Variants in AGBL1 observed in about 807,000 individuals in gnomAD.
The protein encoded by AGBL1 is cytosolic carboxypeptidase 4.
Under a neutral mutation model 118.9 loss-of-function variants are expected in AGBL1, and 130 were observed. The observed-to-expected ratio is 1.09, with a 90% CI of 0.95 to 1.26. The LOEUF (loss-of-function observed/expected upper bound fraction) is 1.26. AGBL1 is among the 50% of genes most tolerant of loss of function. AGBL1 has a pLI of 0.00. For synonymous variants in AGBL1, 555 were observed against 478.9 expected, an observed-to-expected ratio of 1.16 and a Z score of -2.08; for missense variants, 1,584 against 1,298.1, an observed-to-expected ratio of 1.22 and a Z score of -3.38.
chr15:86,287,270 T>G (rs2079469556), intron 16 of AGBL1, among the ~76,000 whole-genome samples: 1 of 152,186 alleles, frequency 6.6e-6, no homozygotes, highest in Non-Finnish European at 1.5e-5. Context: ...ATCTGATGTA[T>G]GATTTGCAAA....
At chr15:87,021,616 CAG>C (rs1436349578) in intron 24 of AGBL1, among the ~76,000 whole-genome samples, 27 of 152,194 alleles carry the variant, frequency 1.8e-4, no homozygotes, top group African/African-American at 6.5e-4. Context: ...GCCTAATATC[CAG>C]AGTCTATAAG....
chr15:86,671,780 T>G (rs762454394), intron 21 of AGBL1, among the ~76,000 whole-genome samples: 74 of 152,258 alleles, frequency 4.9e-4, no homozygotes, highest in Non-Finnish European at 4.3e-4. Context: ...ATCTGAGAGA[T>G]AAAAATCCAT....
At chr15:86,331,326 T>G (rs2080265966) in intron 17 of AGBL1, among the ~76,000 whole-genome samples, 1 of 152,020 alleles carries the variant, frequency 6.6e-6, no homozygotes, top group South Asian at 2.1e-4. Flanking sequence ...CTCTTCTCTC[T>G]TCTTCTCTCC....
intron 21 of AGBL1, among the ~76,000 whole-genome samples, chr15:86,627,635 G>A (rs1001262507): frequency 2.0e-5 from 3 of 152,112 alleles, no homozygotes; most frequent in African/African-American, 4.8e-5. Context: ...GAGAAAAGAA[G>A]TATACAAATG....
chr15:86,570,640 C>G (rs1028578687), intron 21 of AGBL1, among the ~76,000 whole-genome samples: 1 of 152,280 alleles, frequency 6.6e-6, no homozygotes, highest in South Asian at 2.1e-4. Flanking sequence ...AAATCCAGCA[C>G]CATGTTGGAT....
At chr15:86,270,124 G>T in intron 14 of AGBL1, 57 bp downstream of exon 14, 6 of 1,552,706 alleles carry the variant, frequency 3.9e-6, no homozygotes, top group Non-Finnish European at 3.5e-6. Flanking sequence ...GACATTTCTT[G>T]ACTGTTTGGA....
intron 18 of AGBL1, among the ~76,000 whole-genome samples, chr15:86,443,370 A>T (rs1051007239): frequency 1.3e-5 from 2 of 152,350 alleles, no homozygotes; most frequent in Non-Finnish European, 2.9e-5. Flanking sequence ...GGTATGTGAT[A>T]TTTTGATACA....
chr15:86,571,554 G>A (rs1043233408), intron 21 of AGBL1, among the ~76,000 whole-genome samples: 6 of 152,126 alleles, frequency 3.9e-5, no homozygotes, highest in Admixed American at 2.0e-4. Flanking sequence ...ACAGCAAAGA[G>A]GGTGGTTCCT....
At chr15:86,466,568 A>C (rs2082410503) in intron 18 of AGBL1, among the ~76,000 whole-genome samples, 1 of 152,190 alleles carries the variant, frequency 6.6e-6, no homozygotes, top group Non-Finnish European at 1.5e-5. Context: ...GGAGGAGAAG[A>C]GGCTTTCTGA....
At chr15:86,560,624 G>A (rs1040617194) in intron 21 of AGBL1, among the ~76,000 whole-genome samples, 3 of 152,186 alleles carry the variant, frequency 2.0e-5, no homozygotes, top group African/African-American at 7.2e-5. Context: ...CTTTATAGCA[G>A]CAGGATTTAT....
intron 15 of AGBL1, among the ~76,000 whole-genome samples, chr15:86,273,459 G>C (rs2079194177): frequency 6.6e-6 from 1 of 152,202 alleles, no homozygotes; most frequent in Non-Finnish European, 1.5e-5. Context: ...ACCACGTTGT[G>C]TTAACATATT....
intron 21 of AGBL1, among the ~76,000 whole-genome samples, chr15:86,590,543 T>C (rs1031511205): frequency 1.3e-5 from 2 of 152,198 alleles, no homozygotes; most frequent in African/African-American, 4.8e-5. Flanking sequence ...CTTTATAAAT[T>C]ACCCGGTCTC....
intron 21 of AGBL1, 26 bp from the exon 22 acceptor site, chr15:86,674,247 C>G: frequency 6.3e-7 from 1 of 1,591,808 alleles, no homozygotes; most frequent in Non-Finnish European, 8.6e-7. Context: ...TACGTTGCCA[C>G]AGTTAATGCT....
intron 23 of AGBL1, among the ~76,000 whole-genome samples, chr15:86,939,949 T>G (rs532498944): frequency 1.3e-5 from 2 of 151,788 alleles, no homozygotes; most frequent in Admixed American, 6.6e-5. Flanking sequence ...GGAACCATTA[T>G]TGATTCACCA....
At chr15:86,468,460 T>C (rs2082435444) in intron 18 of AGBL1, among the ~76,000 whole-genome samples, 1 of 152,174 alleles carries the variant, frequency 6.6e-6, no homozygotes, top group South Asian at 2.1e-4. Context: ...GGCTCCCTCA[T>C]TTTGATTCAG....
At chr15:86,923,659 G>A (rs1034511475) in intron 23 of AGBL1, among the ~76,000 whole-genome samples, 4 of 152,152 alleles carry the variant, frequency 2.6e-5, no homozygotes, top group African/African-American at 9.7e-5. Flanking sequence ...ATCTCTGCAA[G>A]TACACTATTC....
chr15:86,684,498 T>C (rs577444916), intron 22 of AGBL1, among the ~76,000 whole-genome samples: 1 of 152,168 alleles, frequency 6.6e-6, no homozygotes, highest in East Asian at 1.9e-4. Flanking sequence ...TATTTCTTTT[T>C]GTTTTTGAGA....
chr15:86,449,027 C>T (rs2082161105), intron 18 of AGBL1, among the ~76,000 whole-genome samples: 1 of 151,604 alleles, frequency 6.6e-6, no homozygotes. Context: ...TTTGGGGTAA[C>T]AATAAAAGTT....
Position 86,112,008 on chromosome 15 carries a change from A to G in AGBL1, c.52-29996A>G, listed in dbSNP as rs1597406951. 2.0e-5 allele frequency among the ~76,000 whole-genome samples: 3 copies of G among 152,306 alleles called. No individual in the cohort carries two copies. In the South Asian group the frequency reaches 6.2e-4, roughly 32 times the overall value. On this transcript the variant is annotated intron_variant, in intron 1 of 22. Transcript: ENST00000614907. Reference sequence around the variant, plus strand: ...TCTCCTTATGAGAATCTAATGCCTGATGATCTGTCACTGTTCCCCAACGAC... The same window carrying G: ...TCTCCTTATGAGAATCTAATGCCTGGTGATCTGTCACTGTTCCCCAACGAC...
Sources: gnomAD v4.1 joint callset for allele counts (sites outside exome capture counted in the v4.1 genomes callset) on GRCh38, gnomAD v4.1.1 for gene constraint, MANE v1.5 for transcripts, NCBI Gene and HGNC (gene_info 2026-07-23, HGNC 2026-07-21) for gene names.